ZFPM2: variants seen among roughly 807,000 people sequenced by gnomAD.
ZFPM2 encodes zinc finger protein, FOG family member 2.
In ZFPM2, 20 loss-of-function variants were observed where a neutral mutation model predicts 98.6. The observed-to-expected ratio is 0.20, with a 90% CI of 0.14 to 0.29. The LOEUF (loss-of-function observed/expected upper bound fraction) is 0.29. Ranked by LOEUF, ZFPM2 falls within the 10% of genes least tolerant of loss-of-function variation. The pLI, the probability that ZFPM2 is intolerant of heterozygous loss-of-function variation, is 1.00. For synonymous variants in ZFPM2, 518 were observed against 502.7 expected (o/e 1.03, Z -0.41); for missense variants, 1,310 against 1,388.6 (o/e 0.94, Z 0.90).
intron 2 of ZFPM2, among the ~76,000 whole-genome samples, chr8:105,428,871 G>A (rs773116744): frequency 1.3e-5 from 2 of 152,170 alleles, no homozygotes; most frequent in Non-Finnish European, 2.9e-5. Flanking sequence ...AGAAAAGTAA[G>A]CAGTGCATTC....
At chr8:105,500,736 TAAAA>T (rs761718427) in intron 3 of ZFPM2, among the ~76,000 whole-genome samples, 12 of 152,236 alleles carry the variant, frequency 7.9e-5, no homozygotes, top group African/African-American at 2.4e-4. Flanking sequence ...TTTTTTGTCT[TAAAA>T]AAACCCATAG....
intron 4 of ZFPM2, among the ~76,000 whole-genome samples, chr8:105,621,130 A>G (rs934063330): frequency 1.3e-5 from 2 of 152,054 alleles, no homozygotes; most frequent in Admixed American, 6.6e-5. Context: ...CAGTATGGCT[A>G]TTTTCACCAT....
intron 5 of ZFPM2, among the ~76,000 whole-genome samples, chr8:105,652,503 TC>T (rs1380653027): frequency 4.0e-5 from 6 of 151,704 alleles, no homozygotes; most frequent in African/African-American, 1.5e-4. Context: ...GCTATTCCCA[TC>T]TATTTATGCA....
chr8:105,624,715 T>C (rs190683782), intron 4 of ZFPM2, among the ~76,000 whole-genome samples: 149 of 152,296 alleles, frequency 9.8e-4, no homozygotes, highest in Admixed American at 3.6e-3. Flanking sequence ...TCTAACAGGA[T>C]CATTACTTCT....
intron 5 of ZFPM2, among the ~76,000 whole-genome samples, chr8:105,664,697 G>T (rs1190159963): frequency 6.6e-6 from 1 of 152,096 alleles, no homozygotes; most frequent in Non-Finnish European, 1.5e-5. Flanking sequence ...TTACTTGAAA[G>T]ATGGAATTTT....
intron 4 of ZFPM2, among the ~76,000 whole-genome samples, chr8:105,615,955 G>A (rs1290029119): frequency 6.6e-6 from 1 of 151,990 alleles, no homozygotes; most frequent in African/African-American, 2.4e-5. Context: ...TTTGTTTTTG[G>A]CTTGGTTTGA....
At chr8:105,489,346 CG>C (rs1813304221) in intron 3 of ZFPM2, among the ~76,000 whole-genome samples, 2 of 141,866 alleles carry the variant, frequency 1.4e-5, no homozygotes, top group African/African-American at 5.5e-5. Flanking sequence ...ATATGTAAAA[CG>C]TTATATATAT....
chr8:105,587,245 C>T (rs1815740896), intron 4 of ZFPM2, among the ~76,000 whole-genome samples: 1 of 147,768 alleles, frequency 6.8e-6, no homozygotes, highest in Non-Finnish European at 1.5e-5. Context: ...CCACTGCACT[C>T]CAGCCTGGGT....
chr8:105,511,299 A>G (rs1364551608), intron 3 of ZFPM2, among the ~76,000 whole-genome samples: 3 of 152,222 alleles, frequency 2.0e-5, no homozygotes, highest in Admixed American at 1.3e-4. Context: ...AAAGATTCCA[A>G]TCAGCCTGTC....
chr8:105,736,416 T>C (rs1395929693), intron 5 of ZFPM2, among the ~76,000 whole-genome samples: 1 of 152,040 alleles, frequency 6.6e-6, no homozygotes, highest in Non-Finnish European at 1.5e-5. Context: ...CAATGAATTT[T>C]GCATTCATAA....
At chr8:105,586,568 G>A (rs1213698458) in intron 4 of ZFPM2, among the ~76,000 whole-genome samples, 2 of 151,726 alleles carry the variant, frequency 1.3e-5, no homozygotes, top group African/African-American at 2.4e-5. Flanking sequence ...GACTCCAGGC[G>A]TGTGCCACCA....
At chr8:105,738,466 G>A (rs989995014) in intron 5 of ZFPM2, among the ~76,000 whole-genome samples, 3 of 152,026 alleles carry the variant, frequency 2.0e-5, no homozygotes, top group African/African-American at 7.2e-5. Flanking sequence ...ATTGTGAATA[G>A]TGCTGCAGTG....
intron 5 of ZFPM2, among the ~76,000 whole-genome samples, chr8:105,698,906 C>G (rs1313951315): frequency 6.6e-6 from 1 of 152,134 alleles, no homozygotes. Context: ...CAATCAAAAT[C>G]AGTGTCATTT....
intron 1 of ZFPM2, among the ~76,000 whole-genome samples, chr8:105,379,570 A>G (rs1810800948): frequency 6.6e-6 from 1 of 152,136 alleles, no homozygotes. Context: ...ACTGACCAAC[A>G]TGGTGAAACC....
intron 3 of ZFPM2, among the ~76,000 whole-genome samples, chr8:105,513,458 A>C (rs773550292): frequency 1.3e-5 from 2 of 152,302 alleles, no homozygotes; most frequent in East Asian, 3.9e-4. Flanking sequence ...TTTCTTTCAG[A>C]TCTCATGTAC....
At chr8:105,691,354 T>G (rs1158067434) in intron 5 of ZFPM2, among the ~76,000 whole-genome samples, 1 of 138,482 alleles carries the variant, frequency 7.2e-6, no homozygotes, top group Non-Finnish European at 1.5e-5. Context: ...GTTCACGCCA[T>G]TCTCCTGCCT....
intron 5 of ZFPM2, among the ~76,000 whole-genome samples, chr8:105,765,354 TC>T (rs1812833725): frequency 6.6e-6 from 1 of 151,806 alleles, no homozygotes; most frequent in Admixed American, 6.6e-5. Flanking sequence ...ACTGTCAATT[TC>T]CCCTTAATAA....
chr8:105,476,810 T>A (rs1243089717), intron 3 of ZFPM2, among the ~76,000 whole-genome samples: 3 of 139,264 alleles, frequency 2.2e-5, no homozygotes, highest in Non-Finnish European at 1.5e-5. Flanking sequence ...GGATGGAGAG[T>A]GGGGTGGGTG....
At chr8:105,494,138 C>T (rs796090220) in intron 3 of ZFPM2, among the ~76,000 whole-genome samples, 36 of 139,822 alleles carry the variant, frequency 2.6e-4, no homozygotes, top group African/African-American at 9.0e-4. Flanking sequence ...AGGTCAGTGA[C>T]TTCCAAATAT....
Sources: gnomAD v4.1 joint callset for allele counts (sites outside exome capture counted in the v4.1 genomes callset) on GRCh38, gnomAD v4.1.1 for gene constraint, MANE v1.5 for transcripts, NCBI Gene and HGNC (gene_info 2026-07-23, HGNC 2026-07-21) for gene names.